FLRT2: variants seen among roughly 807,000 people sequenced by gnomAD.
The protein encoded by FLRT2 is leucine-rich repeat transmembrane protein FLRT2.
FLRT2 carries 15 observed loss-of-function variants against 40.0 expected under a neutral mutation model. That is an observed-to-expected ratio of 0.38 (90% CI 0.25 to 0.58). The LOEUF is 0.58. Ranked by LOEUF, FLRT2 falls within the 20% of genes least tolerant of loss-of-function variation. FLRT2 has a pLI of 0.71. For synonymous variants in FLRT2, 380 were observed against 336.8 expected, an observed-to-expected ratio of 1.13 and a Z score of -1.41; for missense variants, 726 against 840.0, an observed-to-expected ratio of 0.86 and a Z score of 1.68.
At chr14:85,535,620 G>A (rs1009816058) in intron 1 of FLRT2, among the ~76,000 whole-genome samples, 3 of 152,088 alleles carry the variant, frequency 2.0e-5, no homozygotes, top group African/African-American at 4.8e-5. Context: ...GCGTTATTGC[G>A]TCTGAGAATA....
At chr14:85,545,557 T>C (rs2139816263) in intron 1 of FLRT2, among the ~76,000 whole-genome samples, 1 of 152,352 alleles carries the variant, frequency 6.6e-6, no homozygotes, top group Admixed American at 6.5e-5. Flanking sequence ...GTGGTCCAAC[T>C]TTCTATATTT....
At chr14:85,607,951 A>G (rs1262059239) in intron 1 of FLRT2, among the ~76,000 whole-genome samples, 1 of 143,640 alleles carries the variant, frequency 7.0e-6, no homozygotes, top group Non-Finnish European at 1.5e-5. Flanking sequence ...TTGTATTAAT[A>G]GATAGCCATC....
intron 1 of FLRT2, among the ~76,000 whole-genome samples, chr14:85,614,791 G>T (rs566440783): frequency 3.3e-5 from 5 of 152,044 alleles, no homozygotes; most frequent in Non-Finnish European, 7.3e-5. Context: ...TTTCCCAAAG[G>T]TTACTGTCTA....
intron 1 of FLRT2, among the ~76,000 whole-genome samples, chr14:85,557,837 A>AATTT: frequency 6.6e-6 from 1 of 152,184 alleles, no homozygotes; most frequent in South Asian, 2.1e-4. Flanking sequence ...TAAATTAATT[A>AATTT]ATTAATTAAT....
At chr14:85,556,634 A>T (rs942707450) in intron 1 of FLRT2, among the ~76,000 whole-genome samples, 1 of 152,202 alleles carries the variant, frequency 6.6e-6, no homozygotes, top group African/African-American at 2.4e-5. Context: ...CAAGTTACTT[A>T]TTTCTCTGTA....
At position 85,627,010 on chromosome 14, in the gene FLRT2, G is replaced by A. The variant is rs1893710717; in HGVS notation, c.*3513G>A. The A allele has an allele frequency of 6.0e-6, 1 of 166,998 alleles. No homozygotes were observed. The highest frequency in any genetic ancestry group is 1.5e-5 in the Non-Finnish European group (1 of 68,134). The allele number at this position is 166,998 out of a possible 1,614,324, so 10.3% of individuals were successfully genotyped here. On this transcript the variant is annotated 3_prime_UTR_variant, in exon 2 of 2. Coordinates refer to ENST00000330753, the MANE Select transcript of FLRT2 (RefSeq NM_013231.6). ...CACGAGGCAATATTGCAGTCCACAG[G>A]GAATGGATGCTTCACTTGATCTCCG...
chr14:85,617,388 T>TC (rs1208117556), intron 1 of FLRT2, among the ~76,000 whole-genome samples: 2 of 152,170 alleles, frequency 1.3e-5, no homozygotes, highest in African/African-American at 4.8e-5. Context: ...AGTTAGGAAC[T>TC]ATTATTATCA....
intron 1 of FLRT2, among the ~76,000 whole-genome samples, chr14:85,614,682 G>T (rs890820985): frequency 7.9e-5 from 12 of 151,544 alleles, no homozygotes; most frequent in African/African-American, 2.7e-4. Flanking sequence ...CTGCAGGGGT[G>T]GGGCCCAGAA....
At chr14:85,559,368 A>G (rs1890166797) in intron 1 of FLRT2, 1 of 152,228 alleles carries the variant, frequency 6.6e-6, no homozygotes, top group South Asian at 2.1e-4. Context: ...TCATTGGTGA[A>G]AGAACATGGA....
intron 1 of FLRT2, among the ~76,000 whole-genome samples, chr14:85,583,618 G>T (rs1161840042): frequency 6.6e-6 from 1 of 152,110 alleles, no homozygotes; most frequent in Admixed American, 6.6e-5. Context: ...ATAAAGTCAG[G>T]ATCAGAGCTC....
rs1894500690 is a variant in FLRT2, at chr14:85,654,355, A to C, written c.*30858A>C. On this transcript the variant is annotated 3_prime_UTR_variant, in exon 2 of 2. Transcript: ENST00000330753. ...AGTTACCCATATTCTTATCAGCCAGATCTAACTAATTTTACCATTTTCATA... is the reference window on the plus strand; with the variant it reads ...AGTTACCCATATTCTTATCAGCCAGCTCTAACTAATTTTACCATTTTCATA... The C allele has an allele frequency of 6.6e-6, 1 of 152,186 alleles. No individual in the cohort carries two copies. The highest frequency in any genetic ancestry group is 2.1e-4 in the South Asian group (1 of 4,828). The allele number at this position is 152,186 out of a possible 1,614,324, so 9.4% of individuals were successfully genotyped here.
chr14:85,595,667 C>A (rs6574834), intron 1 of FLRT2, among the ~76,000 whole-genome samples: 117,204 of 152,060 alleles, frequency 0.77, 45,897 homozygotes, highest in East Asian at 0.93. Flanking sequence ...CTTTTATCCA[C>A]GGTATAACTG....
intron 1 of FLRT2, among the ~76,000 whole-genome samples, chr14:85,545,802 C>T (rs534194881): frequency 1.4e-4 from 22 of 152,196 alleles, no homozygotes; most frequent in African/African-American, 5.3e-4. Flanking sequence ...CCATTTTTTC[C>T]CCTTACCCTT....
chr14:85,626,816 A>G lies in FLRT2; in HGVS notation c.*3319A>G, dbSNP rs948006357. On this transcript the variant is annotated 3_prime_UTR_variant, in exon 2 of 2. Transcript: ENST00000330753. ...CATTCTCCCTGAGGTTAAAAACAAA[A>G]AGTACGTGACCAGTCTGGTAAGAAG... is the stretch of plus-strand genomic sequence containing the variant. 1.8e-5 allele frequency: 3 copies of G among 167,130 alleles called. No homozygotes were observed. In the Admixed American group the frequency reaches 2.0e-4, roughly 11 times the overall value. The allele number at this position is 167,130 out of a possible 1,614,324, so 10.4% of individuals were successfully genotyped here.
chr14:85,571,139 A>G (rs1890874205), intron 1 of FLRT2, among the ~76,000 whole-genome samples: 1 of 152,062 alleles, frequency 6.6e-6, no homozygotes, highest in Non-Finnish European at 1.5e-5. Context: ...GATGGTTTCA[A>G]TGGATATACT....
At chr14:85,595,152 T>A (rs1366084741) in intron 1 of FLRT2, among the ~76,000 whole-genome samples, 1 of 152,136 alleles carries the variant, frequency 6.6e-6, no homozygotes, top group Non-Finnish European at 1.5e-5. Context: ...TTGGTGCTAC[T>A]TTTATTCAAA....
chr14:85,618,437 C>T (rs1404763191), intron 1 of FLRT2, among the ~76,000 whole-genome samples: 1 of 152,104 alleles, frequency 6.6e-6, no homozygotes, highest in African/African-American at 2.4e-5. Context: ...TTATTAATAG[C>T]ACCAAACTGT....
chr14:85,540,807 T>TG (rs1194586023), intron 1 of FLRT2, among the ~76,000 whole-genome samples: 2 of 152,292 alleles, frequency 1.3e-5, no homozygotes, highest in East Asian at 1.9e-4. Context: ...GAAAATTACT[T>TG]GCATAGTTCG....
chr14:85,540,450 G>A (rs959451157), intron 1 of FLRT2, among the ~76,000 whole-genome samples: 1 of 152,172 alleles, frequency 6.6e-6, no homozygotes, highest in African/African-American at 2.4e-5. Flanking sequence ...AAGGTTCCAA[G>A]AGTGAGCATG....
Sources: gnomAD v4.1 joint callset for allele counts (sites outside exome capture counted in the v4.1 genomes callset) on GRCh38, gnomAD v4.1.1 for gene constraint, MANE v1.5 for transcripts, NCBI Gene and HGNC (gene_info 2026-07-23, HGNC 2026-07-21) for gene names.